LRRC58: variants seen among roughly 807,000 people sequenced by gnomAD.
LRRC58 encodes leucine rich repeat containing 58.
A neutral mutation model predicts 30.6 loss-of-function variants in LRRC58; 18 were observed. The observed-to-expected ratio is 0.59, with a 90% confidence interval of 0.41 to 0.87. The LOEUF is 0.87. Among genes scored for constraint, LRRC58 ranks in the 40% least tolerant of loss-of-function variants. The pLI is 0.00. For synonymous variants in LRRC58, 221 were observed against 206.0 expected, an observed-to-expected ratio of 1.07 and a Z score of -0.62; for missense variants, 420 against 468.4, an observed-to-expected ratio of 0.90 and a Z score of 0.95.
In LRRC58 at chr3:120,327,312, C is replaced by T. The variant is rs953416504; in HGVS notation, c.*3888G>A. The stretch of plus-strand genomic sequence containing the variant: ...TGTGGCCCAGGCGGGAGTGCAGTGG[C>T]GCAATCTCGGCTCACTGCAAGCTCC... On this transcript the variant is annotated 3_prime_UTR_variant, in exon 4 of 4. Coordinates refer to ENST00000295628, the MANE Select transcript of LRRC58 (RefSeq NM_001099678.2). The T allele has an allele frequency of 1.0e-4, 13 of 130,202 alleles. No homozygotes were observed. Among genetic ancestry groups the T allele is most frequent in the Non-Finnish European group, 1.8e-4 (12 of 65,030 alleles). 8.1% of individuals were successfully genotyped at this position (130,202 alleles called of 1,614,324 possible). A position where few individuals can be genotyped will look rare whatever the true frequency, so the allele number is the denominator to read the frequency against.
rs376367587 is a variant in LRRC58 at position 120,330,862 on chromosome 3, C to T, written c.*338G>A. On this transcript the variant is annotated 3_prime_UTR_variant, in exon 4 of 4. Transcript: ENST00000295628. ...TGATAATTTCTCACTTTCTCCATCT[C>T]AATGTCCAAAAGTTATACTACTCAT... is the stretch of plus-strand genomic sequence containing the variant. 10 of 301,786 alleles carry T rather than the reference C, an allele frequency of 3.3e-5. No homozygotes were observed. Among genetic ancestry groups the T allele is most frequent in the East Asian group, 2.5e-4 (3 of 12,176 alleles). 18.7% of individuals were successfully genotyped at this position (301,786 alleles called of 1,614,324 possible).
At position 120,348,899 on chromosome 3, in the gene LRRC58, C is replaced by T. The variant is rs774914089; in HGVS notation, c.345G>A (p.Gln115=). Residue 115 remains glutamine, a synonymous_variant, in exon 1 of 4, where the codon CAG becomes CAA. Coordinates refer to ENST00000295628, the MANE Select transcript of LRRC58 (RefSeq NM_001099678.2). ...GPSALPKGLA[Q]SPLCRSLQVL... is the part of the protein sequence containing the mutation. Reference sequence around the variant, plus strand: ...CCTGGAGGCTGCGGCAGAGCGGCGACTGGGCCAGGCCCTTGGGCAGCGCAC... The same window carrying T: ...CCTGGAGGCTGCGGCAGAGCGGCGATTGGGCCAGGCCCTTGGGCAGCGCAC... 1.9e-6 allele frequency: 3 copies of T among 1,575,134 alleles called. No individual in the cohort carries two copies. The East Asian group carries it at 7.0e-5, about 37-fold the overall frequency.
intron 1 of LRRC58, 143 bp downstream of exon 1, chr3:120,348,601 G>A: frequency 3.2e-6 from 3 of 931,916 alleles, no homozygotes; most frequent in Non-Finnish European, 4.6e-6. Context: ...TGCTGAGATG[G>A]TTGGGCAGAA....
intron 3 of LRRC58, 92 bp from the exon 4 acceptor site, chr3:120,331,500 T>C (rs904466230): frequency 7.6e-5 from 68 of 898,346 alleles, no homozygotes; most frequent in Admixed American, 6.8e-4. Context: ...AGAAATGTCA[T>C]ACACCATCTT....
At chr3:120,340,036 T>TA (rs35379788) in intron 1 of LRRC58, among the ~76,000 whole-genome samples, 2 of 111,702 alleles carry the variant, frequency 1.8e-5, no homozygotes, top group Non-Finnish European at 3.8e-5. Flanking sequence ...AATTTTTGTA[T>TA]TTTTAGTAAA....
At chr3:120,345,943 A>C (rs984342201) in intron 1 of LRRC58, among the ~76,000 whole-genome samples, 4 of 152,180 alleles carry the variant, frequency 2.6e-5, no homozygotes, top group Non-Finnish European at 4.4e-5. Context: ...CCTGATCACA[A>C]ATCCAACAGT....
chr3:120,334,636 T>C (rs1441450770), intron 3 of LRRC58, among the ~76,000 whole-genome samples: 2 of 152,214 alleles, frequency 1.3e-5, no homozygotes, highest in Non-Finnish European at 2.9e-5. Flanking sequence ...TGATTTATTA[T>C]CGTATGTCAA....
intron 3 of LRRC58, among the ~76,000 whole-genome samples, chr3:120,334,049 C>A (rs779495924): frequency 2.0e-5 from 3 of 152,096 alleles, no homozygotes; most frequent in Non-Finnish European, 4.4e-5. Flanking sequence ...TTGCATAATT[C>A]TCTTCAAATG....
At chr3:120,332,917 T>C (rs1045742521) in intron 3 of LRRC58, among the ~76,000 whole-genome samples, 2 of 151,900 alleles carry the variant, frequency 1.3e-5, no homozygotes, top group African/African-American at 4.8e-5. Context: ...GCCCAACTAA[T>C]GTTTATATTT....
intron 1 of LRRC58, 85 bp from the exon 2 acceptor site, chr3:120,336,038 A>T: frequency 1.1e-6 from 1 of 929,578 alleles, no homozygotes; most frequent in African/African-American, 1.7e-5. Flanking sequence ...AACACGTTTC[A>T]TCTATTCATT....
chr3:120,345,519 C>T (rs1032753710), intron 1 of LRRC58, among the ~76,000 whole-genome samples: 1 of 152,194 alleles, frequency 6.6e-6, no homozygotes, highest in Non-Finnish European at 1.5e-5. Context: ...TTTAATGCAT[C>T]ATATTAGTAG....
At chr3:120,334,742 T>G in intron 3 of LRRC58, 120 bp downstream of exon 3, 1 of 951,674 alleles carries the variant, frequency 1.1e-6, no homozygotes, top group Non-Finnish European at 1.5e-6. Flanking sequence ...AATGTCTTTC[T>G]CATAAATGAG....
chr3:120,344,177 A>G (rs919834228), intron 1 of LRRC58, among the ~76,000 whole-genome samples: 10 of 152,384 alleles, frequency 6.6e-5, no homozygotes, highest in Non-Finnish European at 1.2e-4. Context: ...ACAAAGAAGT[A>G]GAAAACAGAA....
chr3:120,332,718 T>C (rs2107621705), intron 3 of LRRC58, among the ~76,000 whole-genome samples: 1 of 152,214 alleles, frequency 6.6e-6, no homozygotes, highest in East Asian at 1.9e-4. Context: ...TGTCTAATGG[T>C]TCATTTCATA....
Position 120,327,025 on chromosome 3 carries a change from T to A in LRRC58, c.*4175A>T, listed in dbSNP as rs986360703. ...AAGAGCAAGGTTGGCTGTAAGAAGA[T>A]CGTATTACTTGCTGGCCCTTAATTA... On this transcript the variant is annotated 3_prime_UTR_variant, in exon 4 of 4. Transcript: ENST00000295628. 6.6e-6 allele frequency: 1 copy of A among 152,200 alleles called. No individual in the cohort carries two copies. The highest frequency in any genetic ancestry group is 1.5e-5 in the Non-Finnish European group (1 of 68,040). 9.4% of individuals were successfully genotyped at this position (152,200 alleles called of 1,614,324 possible).
Position 120,331,009 on chromosome 3 carries a change from T to A in LRRC58, c.*191A>T. On this transcript the variant is annotated 3_prime_UTR_variant, in exon 4 of 4. Coordinates refer to ENST00000295628, the MANE Select transcript of LRRC58 (RefSeq NM_001099678.2). ...CTATCATTCACAAATTATGTTAAAA[T>A]AATCTAAACATGGGACTGGACTCAT... is the stretch of plus-strand genomic sequence containing the variant. 1.7e-6 allele frequency: 1 copy of A among 579,090 alleles called. No homozygotes were observed. The highest frequency in any genetic ancestry group is 3.1e-6 in the Non-Finnish European group (1 of 320,754). 35.9% of individuals were successfully genotyped at this position (579,090 alleles called of 1,614,324 possible).
intron 1 of LRRC58, among the ~76,000 whole-genome samples, chr3:120,343,812 T>G (rs1935933339): frequency 6.6e-6 from 1 of 152,066 alleles, no homozygotes; most frequent in South Asian, 2.1e-4. Flanking sequence ...GGCGGATCAC[T>G]TGAGGTCAGG....
rs1935725013 is a variant in LRRC58 at position 120,329,523 on chromosome 3, C to T, written c.*1677G>A. On this transcript the variant is annotated 3_prime_UTR_variant, in exon 4 of 4. Transcript: ENST00000295628. ...GGTGAAGGGATTCATTCTATAGCAG[C>T]GTTTCACATCTGCAGTTCATGAAAC... 6.6e-6 allele frequency: 1 copy of T among 151,894 alleles called. No individual in the cohort carries two copies. Among genetic ancestry groups the T allele is most frequent in the African/African-American group, 2.4e-5 (1 of 41,382 alleles). 9.4% of individuals were successfully genotyped at this position (151,894 alleles called of 1,614,324 possible).
chr3:120,347,007 T>G (rs1364981440), intron 1 of LRRC58, among the ~76,000 whole-genome samples: 2 of 152,264 alleles, frequency 1.3e-5, no homozygotes, highest in Non-Finnish European at 2.9e-5. Context: ...TACAATGTCC[T>G]TCTTTCAGAA....
Sources: allele counts gnomAD v4.1 joint callset (sites outside exome capture counted in the v4.1 genomes callset), GRCh38; gene constraint gnomAD v4.1.1; transcripts MANE v1.5; gene names NCBI Gene and HGNC (gene_info 2026-07-23, HGNC 2026-07-21).